The following PPP6R1 variants were observed in gnomAD, a reference collection of about 807,000 sequenced individuals.
PPP6R1 encodes protein phosphatase 6 regulatory subunit 1, also known as serine/threonine-protein phosphatase 6 regulatory subunit 1.
Under a neutral mutation model 104.6 loss-of-function variants are expected in PPP6R1, and 39 were observed. That is an observed-to-expected ratio of 0.37 (90% CI 0.29 to 0.49). The LOEUF is 0.49. Ranked by LOEUF, PPP6R1 falls within the 20% of genes least tolerant of loss-of-function variation. The pLI is 0.98. For synonymous variants in PPP6R1, 549 were observed against 479.0 expected, an observed-to-expected ratio of 1.15 and a Z score of -1.91; for missense variants, 1,181 against 1,155.8, an observed-to-expected ratio of 1.02 and a Z score of -0.32.
At chr19:55,237,072 A>G in intron 15 of PPP6R1, 102 bp from the exon 16 acceptor site, 1 of 1,268,522 alleles carries the variant, frequency 7.9e-7, no homozygotes, top group Non-Finnish European at 1.1e-6. Context: ...GCTGACCCTC[A>G]TTACTTGCAG....
chr19:55,256,688 T>C (rs976244819), intron 1 of PPP6R1, among the ~76,000 whole-genome samples: 1 of 152,040 alleles, frequency 6.6e-6, no homozygotes, highest in South Asian at 2.1e-4. Flanking sequence ...CCAAGCGTGG[T>C]ACAAAAACAC....
chr19:55,252,492 G>A (rs556077700), intron 1 of PPP6R1, among the ~76,000 whole-genome samples: 5 of 151,086 alleles, frequency 3.3e-5, no homozygotes, highest in South Asian at 4.2e-4. Flanking sequence ...TCCGCCTCCC[G>A]GTTTTAAGCA....
chr19:55,258,619 C>G lies in PPP6R1; in HGVS notation c.-191G>C, dbSNP rs894473868. On this transcript the variant is annotated 5_prime_UTR_variant, in exon 1 of 24. Coordinates refer to ENST00000412770, the MANE Select transcript of PPP6R1 (RefSeq NM_014931.4). Reference sequence around the variant, plus strand: ...AGGCGCCCGCGGGTCGTGGGGTCCTCGCGCGCCGGGTCCTGCAGAGTTGAG... The same window carrying G: ...AGGCGCCCGCGGGTCGTGGGGTCCTGGCGCGCCGGGTCCTGCAGAGTTGAG... The G allele has an allele frequency of 6.6e-6, 1 of 150,776 alleles. No individual in the cohort carries two copies. Among genetic ancestry groups the G allele is most frequent in the African/African-American group, 2.4e-5 (1 of 41,084 alleles). The allele number at this position is 150,776 out of a possible 1,614,324, so 9.3% of individuals were successfully genotyped here.
At chr19:55,248,549 C>T (rs1338275573) in intron 1 of PPP6R1, among the ~76,000 whole-genome samples, 1 of 152,268 alleles carries the variant, frequency 6.6e-6, no homozygotes, top group South Asian at 2.1e-4. Flanking sequence ...GCCCTCACCA[C>T]CATCACTCCC....
intron 5 of PPP6R1, among the ~76,000 whole-genome samples, chr19:55,243,218 G>A (rs1266019070): frequency 6.6e-6 from 1 of 151,930 alleles, no homozygotes; most frequent in Non-Finnish European, 1.5e-5. Flanking sequence ...TTTGAGACCA[G>A]CCTGGCCAAC....
intron 15 of PPP6R1, among the ~76,000 whole-genome samples, 172 bp from the exon 16 acceptor site, chr19:55,237,142 C>T (rs1379118222): frequency 6.6e-6 from 1 of 152,228 alleles, no homozygotes; most frequent in Non-Finnish European, 1.5e-5. Flanking sequence ...GCAACGCATA[C>T]ATGAATATCA....
chr19:55,244,547 G>A (rs1273454984), intron 5 of PPP6R1, among the ~76,000 whole-genome samples: 1 of 152,212 alleles, frequency 6.6e-6, no homozygotes, highest in Non-Finnish European at 1.5e-5. Flanking sequence ...CGGATGTGGG[G>A]CCAGCGCTTG....
At chr19:55,228,868 C>G (rs930699695), downstream of PPP6R1, 7 of 970,778 alleles carry the variant, frequency 7.2e-6, no homozygotes, top group Middle Eastern at 2.1e-4. Flanking sequence ...TAACAGGGCC[C>G]AGGGAGATGT....
Position 55,239,922 on chromosome 19 carries a change from G to A in PPP6R1, c.1478-11C>T. ...GCTCGCTGGGCAGCTCTGCTTAGGTGAGAGGGGTGAAGACGTGAGGCATCT... is the reference window on the plus strand; with the variant it reads ...GCTCGCTGGGCAGCTCTGCTTAGGTAAGAGGGGTGAAGACGTGAGGCATCT... On this transcript the variant is annotated splice_polypyrimidine_tract_variant and intron_variant, in intron 12 of 23. Coordinates refer to ENST00000412770, the MANE Select transcript of PPP6R1 (RefSeq NM_014931.4). 1 of 1,613,792 alleles carries A rather than the reference G, an allele frequency of 6.2e-7. No individual in the cohort carries two copies. The highest frequency in any genetic ancestry group is 8.5e-7 in the Non-Finnish European group (1 of 1,179,848).
At chr19:55,242,140 C>T (rs376648380) in intron 7 of PPP6R1, 26 bp downstream of exon 7, 7 of 1,598,972 alleles carry the variant, frequency 4.4e-6, no homozygotes, top group Middle Eastern at 1.7e-4. Context: ...GGGCAGCATG[C>T]ATGGTCTGTG....
intron 2 of PPP6R1, 114 bp downstream of exon 2, chr19:55,246,763 C>T (rs984632382): frequency 4.7e-6 from 5 of 1,055,200 alleles, no homozygotes; most frequent in Non-Finnish European, 5.4e-6. Flanking sequence ...TCTTCCTCAT[C>T]CCCAAACTGG....
In PPP6R1 at chr19:55,254,695, G is replaced by A. The variant is rs183328677; in HGVS notation, c.-7+3740C>T. ...CCCAATGCTCAGCAGAAGCTCCAAC[G>A]CCTGGCCCCCTGGCCGGTACCCTAG... On this transcript the variant is annotated intron_variant, in intron 1 of 23. Coordinates refer to ENST00000412770, the MANE Select transcript of PPP6R1 (RefSeq NM_014931.4). Among the ~76,000 whole-genome samples the A allele has an allele frequency of 2.2e-3, 330 of 152,274 alleles. 2 individuals are homozygous for A. The highest frequency in any genetic ancestry group is 6.7e-3 in the African/African-American group (278 of 41,560).
rs763626216 is a variant in PPP6R1 at position 55,241,235 on chromosome 19, G to A, written c.1161+4C>T. The A allele has an allele frequency of 6.1e-6, 8 of 1,318,488 alleles. No homozygotes were observed. Among genetic ancestry groups the A allele is most frequent in the Non-Finnish European group, 8.0e-6 (8 of 1,004,704 alleles). The allele number at this position is 1,318,488 out of a possible 1,614,324, so 81.7% of individuals were successfully genotyped here. Reference sequence around the variant, plus strand: ...GAACCCCCAGCCCGGTCCAGTCCCCGCACCAGCATGGTGTTGGGCACGTCC... The same window carrying A: ...GAACCCCCAGCCCGGTCCAGTCCCCACACCAGCATGGTGTTGGGCACGTCC... On this transcript the variant is annotated splice_donor_region_variant and intron_variant, in intron 9 of 23. Transcript: ENST00000412770. The surrounding 1 kb of genome is among the most constrained non-coding windows in gnomAD (Gnocchi z 5.4).
chr19:55,238,903 A>G (rs2087423196), intron 15 of PPP6R1: 1 of 165,358 alleles, frequency 6.0e-6, no homozygotes, highest in Non-Finnish European at 1.3e-5. Flanking sequence ...TTGACCCACA[A>G]ATCAAAACAA....
intron 23 of PPP6R1, 24 bp downstream of exon 23, chr19:55,230,589 G>A: frequency 6.2e-7 from 1 of 1,612,716 alleles, no homozygotes; most frequent in East Asian, 2.2e-5. Context: ...CACCTACCCA[G>A]CCCGAGGCTG....
intron 5 of PPP6R1, among the ~76,000 whole-genome samples, chr19:55,243,760 C>T (rs1412437551): frequency 1.3e-5 from 2 of 152,172 alleles, no homozygotes; most frequent in African/African-American, 2.4e-5. Context: ...CCAAGAGATC[C>T]TCCCGTCTCA....
intron 1 of PPP6R1, among the ~76,000 whole-genome samples, chr19:55,249,868 C>G (rs996465979): frequency 6.6e-6 from 1 of 152,018 alleles, no homozygotes; most frequent in Non-Finnish European, 1.5e-5. Flanking sequence ...TTTTAAAGCA[C>G]AAACATGAGT....
At chr19:55,243,907 C>T (rs1274412445) in intron 5 of PPP6R1, among the ~76,000 whole-genome samples, 1 of 152,230 alleles carries the variant, frequency 6.6e-6, no homozygotes, top group African/African-American at 2.4e-5. Flanking sequence ...CCAGCCTCAC[C>T]TGCCAAAGCG....
intron 1 of PPP6R1, among the ~76,000 whole-genome samples, chr19:55,256,981 T>C (rs1009802760): frequency 6.6e-6 from 1 of 151,928 alleles, no homozygotes; most frequent in African/African-American, 2.4e-5. Flanking sequence ...AAGGTCTCGC[T>C]TGGCAGAAGC....
Sources: gnomAD v4.1 joint callset for allele counts (sites outside exome capture counted in the v4.1 genomes callset) on GRCh38, gnomAD v4.1.1 for gene constraint, Gnocchi (gnomAD v3.1) non-coding constraint, MANE v1.5 for transcripts, NCBI Gene and HGNC (gene_info 2026-07-23, HGNC 2026-07-21) for gene names.